The following GPATCH2L variants were observed in gnomAD, a reference collection of about 807,000 sequenced individuals.
The protein encoded by GPATCH2L is G patch domain-containing protein 2-like.
In GPATCH2L, 31 loss-of-function variants were observed where a neutral mutation model predicts 57.4. The ratio of observed to expected loss-of-function variants is 0.54; its 90% CI spans 0.41 to 0.73. The LOEUF is 0.73. GPATCH2L is among the 30% of genes least tolerant of loss of function. The pLI is 0.00. For synonymous variants in GPATCH2L, 199 were observed against 210.7 expected, an observed-to-expected ratio of 0.94 and a Z score of 0.48; for missense variants, 481 against 599.9, an observed-to-expected ratio of 0.80 and a Z score of 2.07.
intron 1 of GPATCH2L, among the ~76,000 whole-genome samples, chr14:76,223,191 G>A (rs1459874455): frequency 6.6e-6 from 1 of 152,094 alleles, no homozygotes; most frequent in Non-Finnish European, 1.5e-5. Context: ...TACAAGAAAG[G>A]AAAATTATAG....
At chr14:76,161,442 T>C (rs1222268333) in intron 2 of GPATCH2L, among the ~76,000 whole-genome samples, 1 of 152,174 alleles carries the variant, frequency 6.6e-6, no homozygotes, top group Non-Finnish European at 1.5e-5. Flanking sequence ...CTTTTGATTG[T>C]AGGTGATAAA....
At chr14:76,174,167 A>T (rs35949653) in intron 5 of GPATCH2L, 59,764 of 152,748 alleles carry the variant, frequency 0.39, 14,198 homozygotes, top group South Asian at 0.56. Flanking sequence ...TAATCCTTCC[A>T]GCAACCTACA....
At chr14:76,227,792 A>G (rs2040542409) in intron 1 of GPATCH2L, among the ~76,000 whole-genome samples, 1 of 152,182 alleles carries the variant, frequency 6.6e-6, no homozygotes. Flanking sequence ...AATTCCCCCA[A>G]CAGGCAGAAA....
Position 76,204,539 on chromosome 14 carries a change from A to C in GPATCH2L, c.*2688A>C, listed in dbSNP as rs1487957790. On this transcript the variant is annotated 3_prime_UTR_variant, in exon 10 of 10. Transcript: ENST00000261530. ...GAAATGAGTGTATTTTGAATCTTAA[A>C]GTTTCTTTATATGCGGCACAGTGTA... 1.3e-5 allele frequency: 2 copies of C among 152,204 alleles called. No individual in the cohort carries two copies. The highest frequency in any genetic ancestry group is 1.5e-5 in the Non-Finnish European group (1 of 68,038). The allele number at this position is 152,204 out of a possible 1,614,324, so 9.4% of individuals were successfully genotyped here. A position where few individuals can be genotyped will look rare whatever the true frequency, so the allele number is the denominator to read the frequency against.
chr14:76,235,308 G>A (rs2040593896), intron 2 of GPATCH2L, among the ~76,000 whole-genome samples: 2 of 152,150 alleles, frequency 1.3e-5, no homozygotes, highest in African/African-American at 4.8e-5. Flanking sequence ...CATGTTAAGG[G>A]TGGGGCAAGG....
At chr14:76,170,101 A>G (rs972680359) in intron 3 of GPATCH2L, among the ~76,000 whole-genome samples, 1 of 152,176 alleles carries the variant, frequency 6.6e-6, no homozygotes, top group Non-Finnish European at 1.5e-5. Context: ...ATAAGGGAAC[A>G]CTTTGAGTAA....
In GPATCH2L at chr14:76,177,974, T is replaced by G; in HGVS notation, c.1053-14T>G. 6.2e-7 allele frequency: 1 copy of G among 1,603,912 alleles called. No homozygotes were observed. Among genetic ancestry groups the G allele is most frequent in the Non-Finnish European group, 8.5e-7 (1 of 1,170,888 alleles). ...TGTCATCTTTATTTTATCATTTGGTTTCCTTTTCTTTAGAAAGAATAAAGC... is the reference window on the plus strand; with the variant it reads ...TGTCATCTTTATTTTATCATTTGGTGTCCTTTTCTTTAGAAAGAATAAAGC... On this transcript the variant is annotated splice_polypyrimidine_tract_variant and intron_variant, in intron 6 of 9. Coordinates refer to ENST00000261530, the MANE Select transcript of GPATCH2L (RefSeq NM_017926.4).
intron 2 of GPATCH2L, among the ~76,000 whole-genome samples, chr14:76,232,071 C>T (rs1434863876): frequency 1.5e-4 from 1 of 6,786 alleles, no homozygotes; most frequent in Non-Finnish European, 5.8e-4. Context: ...GCCACCACGC[C>T]CAGCTAATTT....
intron 8 of GPATCH2L, among the ~76,000 whole-genome samples, chr14:76,181,239 A>G (rs80338028): frequency 0.021 from 3,165 of 152,308 alleles, 101 homozygotes; most frequent in African/African-American, 0.072. Context: ...AGAGAGATCC[A>G]GCAGTACTAG....
chr14:76,172,854 T>G lies in GPATCH2L; in HGVS notation c.905-692T>G, dbSNP rs1461169440. Among the ~76,000 whole-genome samples the G allele has an allele frequency of 2.0e-5, 3 of 152,216 alleles. No individual in the cohort carries two copies. The East Asian group carries it at 5.8e-4, about 29-fold the overall frequency. On this transcript the variant is annotated intron_variant, in intron 4 of 9. Coordinates refer to ENST00000261530, the MANE Select transcript of GPATCH2L (RefSeq NM_017926.4). ...GTGAATTTTTGTTTGTCATGGTGAA[T>G]TTTTGTCATGGCGAACCAGCAGTTG...
rs150601188 is a variant in GPATCH2L, at chr14:76,210,577, C to T, written c.*8726C>T. 1 of 152,290 alleles carries T rather than the reference C, an allele frequency of 6.6e-6. No individual in the cohort carries two copies. Among genetic ancestry groups the T allele is most frequent in the East Asian group, 1.9e-4 (1 of 5,190 alleles). 9.4% of individuals were successfully genotyped at this position (152,290 alleles called of 1,614,324 possible). On this transcript the variant is annotated 3_prime_UTR_variant, in exon 10 of 10. Transcript: ENST00000261530. The stretch of plus-strand genomic sequence containing the variant: ...AGGAGATAGCCGGTTTCTGTGACAT[C>T]CTCTTATAACAACCTAGTTTTGTTC...
rs2139832163 is a variant in GPATCH2L at position 76,203,639 on chromosome 14, G to A, written c.*1788G>A. 1 of 152,520 alleles carries A rather than the reference G, an allele frequency of 6.6e-6. No individual in the cohort carries two copies. Among genetic ancestry groups the A allele is most frequent in the African/African-American group, 2.4e-5 (1 of 41,592 alleles). The allele number at this position is 152,520 out of a possible 1,614,324, so 9.4% of individuals were successfully genotyped here. On this transcript the variant is annotated 3_prime_UTR_variant, in exon 10 of 10. Coordinates refer to ENST00000261530, the MANE Select transcript of GPATCH2L (RefSeq NM_017926.4). ...ACCCCTGGCTCTCATGCAGCAGTGT[G>A]TGTGCTTACAGGGACTTCCCAGGCT...
chr14:76,188,938 C>G (rs909620169), intron 8 of GPATCH2L, among the ~76,000 whole-genome samples: 2 of 152,046 alleles, frequency 1.3e-5, no homozygotes, highest in African/African-American at 4.8e-5. Context: ...CCAGTTTTCC[C>G]TGCACCATTT....
At chr14:76,175,609 G>T (rs1272380058) in intron 5 of GPATCH2L, 3 of 152,084 alleles carry the variant, frequency 2.0e-5, no homozygotes, top group Middle Eastern at 3.2e-3. Context: ...ATGTCTGTCT[G>T]TGACCAGGAG....
Position 76,177,990 on chromosome 14 carries a change from A to G in GPATCH2L, c.1055A>G (p.Lys352Arg), listed in dbSNP as rs963135255. 6.2e-7 allele frequency: 1 copy of G among 1,605,438 alleles called. No individual in the cohort carries two copies. Among genetic ancestry groups the G allele is most frequent in the Non-Finnish European group, 8.5e-7 (1 of 1,172,444 alleles). The part of the protein sequence containing the change: ...HIISDPRQKE[K>R]NKALASDFPH... Reference sequence around the variant, plus strand: ...TCATTTGGTTTCCTTTTCTTTAGAAAGAATAAAGCGTTGGCTTCTGATTTT... The same window carrying G: ...TCATTTGGTTTCCTTTTCTTTAGAAGGAATAAAGCGTTGGCTTCTGATTTT... Residue 352 changes from lysine (K) to arginine (R), a missense_variant and splice_region_variant, in exon 7 of 10, where the codon AAG becomes AGG. Around this residue, in one of 3 missense-constraint regions of GPATCH2L, gnomAD observed 248 missense variants for 270.5 expected, o/e 0.92. Coordinates refer to ENST00000261530, the MANE Select transcript of GPATCH2L (RefSeq NM_017926.4).
intron 1 of GPATCH2L, among the ~76,000 whole-genome samples, chr14:76,225,835 G>C (rs1340323643): frequency 6.6e-6 from 1 of 152,126 alleles, no homozygotes; most frequent in Non-Finnish European, 1.5e-5. Flanking sequence ...GAGAATATCT[G>C]AATGGCCAAT....
chr14:76,201,197 A>G (rs1372065771), intron 9 of GPATCH2L, among the ~76,000 whole-genome samples: 2 of 152,204 alleles, frequency 1.3e-5, no homozygotes, highest in Non-Finnish European at 2.9e-5. Context: ...TGTGGCAGGA[A>G]GAGCGTGGGG....
At chr14:76,189,011 T>G (rs185938234) in intron 8 of GPATCH2L, among the ~76,000 whole-genome samples, 1 of 152,254 alleles carries the variant, frequency 6.6e-6, no homozygotes, top group Admixed American at 6.5e-5. Flanking sequence ...ATGAGGTCAC[T>G]CTGCATGTGT....
rs533870251 is a variant in GPATCH2L at position 76,213,582 on chromosome 14, G to A, written c.*11731G>A. On this transcript the variant is annotated 3_prime_UTR_variant, in exon 10 of 10. Coordinates refer to ENST00000261530, the MANE Select transcript of GPATCH2L (RefSeq NM_017926.4). ...AGCTCACCAGCCAGAGATAAAGTGA[G>A]GCCAGCTCAGGGAATGTGAGCAGTG... 1.3e-5 allele frequency: 2 copies of A among 152,116 alleles called. No individual in the cohort carries two copies. The highest frequency in any genetic ancestry group is 2.9e-5 in the Non-Finnish European group (2 of 68,020). 9.4% of individuals were successfully genotyped at this position (152,116 alleles called of 1,614,324 possible). A position where few individuals can be genotyped will look rare whatever the true frequency, so the allele number is the denominator to read the frequency against.
Sources: gnomAD v4.1 joint callset for allele counts (sites outside exome capture counted in the v4.1 genomes callset) on GRCh38, gnomAD v4.1.1 for gene constraint, gnomAD v4.1.1 regional missense constraint, MANE v1.5 for transcripts, NCBI Gene and HGNC (gene_info 2026-07-23, HGNC 2026-07-21) for gene names.